Variants in UBL3 observed in about 807,000 individuals in gnomAD.
UBL3 encodes the protein ubiquitin like 3, also known as ubiquitin-like protein 3.
UBL3 carries 6 observed loss-of-function variants against 18.4 expected under a neutral mutation model. The observed-to-expected ratio is 0.33, with a 90% CI of 0.18 to 0.64. The LOEUF (loss-of-function observed/expected upper bound fraction) is 0.64. Among genes scored for constraint, UBL3 ranks in the 30% least tolerant of loss-of-function variants. UBL3 has a pLI of 0.76. For synonymous variants in UBL3, 49 were observed against 46.6 expected (o/e 1.05, Z -0.21); for missense variants, 109 against 142.9 (o/e 0.76, Z 1.21).
intron 1 of UBL3, among the ~76,000 whole-genome samples, chr13:29,802,692 T>C (rs1877802947): frequency 6.6e-6 from 1 of 152,200 alleles, no homozygotes; most frequent in Non-Finnish European, 1.5e-5. Context: ...ATAAGCCAAG[T>C]TGAGGCAAGA....
intron 1 of UBL3, among the ~76,000 whole-genome samples, chr13:29,786,369 T>C (rs1877318168): frequency 6.6e-6 from 1 of 152,192 alleles, no homozygotes; most frequent in African/African-American, 2.4e-5. Flanking sequence ...CTAGAATGCT[T>C]TGCACTCCTC....
At chr13:29,777,358 T>C in intron 1 of UBL3, 95 bp from the exon 2 acceptor site, 3 of 891,328 alleles carry the variant, frequency 3.4e-6, no homozygotes, top group Non-Finnish European at 3.5e-6. Context: ...ACATCCTAAA[T>C]TATTACCAAT....
intron 1 of UBL3, among the ~76,000 whole-genome samples, chr13:29,819,730 A>C (rs74562196): frequency 0.022 from 3,281 of 152,266 alleles, 57 homozygotes; most frequent in Non-Finnish European, 0.035. Flanking sequence ...GAAGAGAACC[A>C]TATTTCCAAG....
intron 1 of UBL3, among the ~76,000 whole-genome samples, chr13:29,801,250 C>T (rs184991495): frequency 2.2e-4 from 33 of 152,294 alleles, no homozygotes; most frequent in African/African-American, 7.5e-4. Context: ...CACTCTTCAA[C>T]AGGCACACCC....
intron 1 of UBL3, among the ~76,000 whole-genome samples, chr13:29,817,481 C>T (rs1446661955): frequency 6.6e-6 from 1 of 151,924 alleles, no homozygotes; most frequent in Non-Finnish European, 1.5e-5. Flanking sequence ...ATGATAAAGC[C>T]GGCTGAGGTG....
Position 29,835,122 on chromosome 13 carries a change from ATAAATATATATATATATATATAT to A in UBL3, c.27+14367_27+14389del, listed in dbSNP as rs1878905494. 1.4e-4 allele frequency among the ~76,000 whole-genome samples: 5 copies of A among 36,778 alleles called. 1 individual carries two copies. The highest frequency in any genetic ancestry group is 2.1e-4 in the Non-Finnish European group (5 of 24,182). 24.1% of individuals were successfully genotyped at this position (36,778 alleles called of 152,430 possible). A position where few individuals can be genotyped will look rare whatever the true frequency, so the allele number is the denominator to read the frequency against. ...TATATATATAAATATATATATATAT[ATAAATATATATATATATATATAT>A]ATATATATATATATATATATATATA... On this transcript the variant is annotated intron_variant, in intron 1 of 4. Coordinates refer to ENST00000380680, the MANE Select transcript of UBL3 (RefSeq NM_007106.4).
intron 1 of UBL3, among the ~76,000 whole-genome samples, chr13:29,811,562 G>A (rs1878085733): frequency 6.6e-6 from 1 of 152,058 alleles, no homozygotes; most frequent in East Asian, 1.9e-4. Flanking sequence ...CTGGTAGATA[G>A]ACTGTCCCTG....
At chr13:29,833,263 A>G (rs1204132270) in intron 1 of UBL3, among the ~76,000 whole-genome samples, 1 of 152,212 alleles carries the variant, frequency 6.6e-6, no homozygotes, top group African/African-American at 2.4e-5. Flanking sequence ...TGACTAAAAT[A>G]AAAAGACGTC....
chr13:29,847,935 A>G (rs997037757), intron 1 of UBL3, among the ~76,000 whole-genome samples: 2 of 152,190 alleles, frequency 1.3e-5, no homozygotes, highest in African/African-American at 2.4e-5. Flanking sequence ...AGGACAACGC[A>G]CGAGTTTTAG....
Position 29,777,228 on chromosome 13 carries a change from T to G in UBL3, c.63A>C (p.Thr21=). Residue 21 remains threonine, a synonymous_variant, in exon 2 of 5, where the codon ACA becomes ACC. Coordinates refer to ENST00000380680, the MANE Select transcript of UBL3 (RefSeq NM_007106.4). Reference sequence around the variant, plus strand: ...CGTTAGGAGAAAACAGGAACTCTTTTGTTTTTCCGCTTACCAAAATGAGGC... The same window carrying G: ...CGTTAGGAGAAAACAGGAACTCTTTGGTTTTTCCGCTTACCAAAATGAGGC... ...NLRLILVSGK[T]KEFLFSPNDS... 6.2e-7 allele frequency: 1 copy of G among 1,610,468 alleles called. No individual in the cohort carries two copies. Among genetic ancestry groups the G allele is most frequent in the South Asian group, 1.1e-5 (1 of 89,946 alleles).
chr13:29,835,864 C>T (rs1207383623), intron 1 of UBL3, among the ~76,000 whole-genome samples: 1 of 150,912 alleles, frequency 6.6e-6, no homozygotes, highest in South Asian at 2.1e-4. Flanking sequence ...TGAAAGGGAG[C>T]CAATACAATT....
Position 29,765,997 on chromosome 13 carries a change from G to A in UBL3, c.*1258C>T, listed in dbSNP as rs1876669192. The A allele has an allele frequency of 6.6e-6, 1 of 152,298 alleles. No individual in the cohort carries two copies. The highest frequency in any genetic ancestry group is 2.4e-5 in the African/African-American group (1 of 41,346). 9.4% of individuals were successfully genotyped at this position (152,298 alleles called of 1,614,324 possible). On this transcript the variant is annotated 3_prime_UTR_variant, in exon 5 of 5. Transcript: ENST00000380680. ...ATCTATATTTTAAGTCCTGTAGTTA[G>A]GTATTTTATAAGTCTTTTATTAAAT...
chr13:29,845,157 T>C (rs1228446507), intron 1 of UBL3, among the ~76,000 whole-genome samples: 1 of 152,048 alleles, frequency 6.6e-6, no homozygotes, highest in East Asian at 1.9e-4. Flanking sequence ...TAAAGACCAT[T>C]TTAGACACAA....
intron 1 of UBL3, among the ~76,000 whole-genome samples, chr13:29,779,021 C>A (rs1217809030): frequency 6.6e-6 from 1 of 152,052 alleles, no homozygotes; most frequent in Non-Finnish European, 1.5e-5. Flanking sequence ...GGAATTATAC[C>A]AAATAGCTGA....
rs185571881 is a variant in UBL3 at position 29,799,200 on chromosome 13, C to T, written c.28-21937G>A. ...GATATCAGTGGCATTCCACCCTTGC[C>T]ACCTTCCCCTTCCCCCTGCCCCCGG... is the stretch of plus-strand genomic sequence containing the variant. On this transcript the variant is annotated intron_variant, in intron 1 of 4. Coordinates refer to ENST00000380680, the MANE Select transcript of UBL3 (RefSeq NM_007106.4). Among the ~76,000 whole-genome samples the T allele has an allele frequency of 2.2e-3, 338 of 152,254 alleles. 3 individuals are homozygous for T. Among genetic ancestry groups the T allele is most frequent in the Non-Finnish European group, 2.1e-3 (144 of 67,996 alleles).
At chr13:29,842,924 A>C (rs1879141412) in intron 1 of UBL3, among the ~76,000 whole-genome samples, 1 of 152,228 alleles carries the variant, frequency 6.6e-6, no homozygotes, top group Admixed American at 6.5e-5. Context: ...AATCCTACTC[A>C]GACACCATTT....
chr13:29,829,288 T>C (rs960155973), intron 1 of UBL3, among the ~76,000 whole-genome samples: 5 of 152,110 alleles, frequency 3.3e-5, no homozygotes, highest in African/African-American at 7.2e-5. Flanking sequence ...CCCCCAGAGG[T>C]AGAGTCTACA....
At chr13:29,802,040 G>A (rs1446717154) in intron 1 of UBL3, among the ~76,000 whole-genome samples, 1 of 152,216 alleles carries the variant, frequency 6.6e-6, no homozygotes, top group Non-Finnish European at 1.5e-5. Context: ...TTAAGTGGGA[G>A]AGGAGCCCAC....
At chr13:29,839,931 G>GAA (rs35669312) in intron 1 of UBL3, among the ~76,000 whole-genome samples, 7 of 120,514 alleles carry the variant, frequency 5.8e-5, no homozygotes, top group Non-Finnish European at 7.0e-5. Context: ...CGTCTCGGGG[G>GAA]AAAAAAAAAA....
Sources: gnomAD v4.1 joint callset for allele counts (sites outside exome capture counted in the v4.1 genomes callset) on GRCh38, gnomAD v4.1.1 for gene constraint, MANE v1.5 for transcripts, NCBI Gene and HGNC (gene_info 2026-07-23, HGNC 2026-07-21) for gene names.